TANC2: variants seen among roughly 807,000 people sequenced by gnomAD.
The protein encoded by TANC2 is protein TANC2.
TANC2 carries 26 observed loss-of-function variants against 210.5 expected under a neutral mutation model. The observed-to-expected ratio is 0.12, with a 90% CI of 0.09 to 0.17. The LOEUF is 0.17. TANC2 is among the 10% of genes least tolerant of loss of function. The pLI is 1.00. For synonymous variants in TANC2, 931 were observed against 967.1 expected (o/e 0.96, Z 0.69); for missense variants, 2,129 against 2,608.9 (o/e 0.82, Z 4.01).
At chr17:63,171,689 T>A (rs2040410303) in intron 5 of TANC2, among the ~76,000 whole-genome samples, 1 of 152,224 alleles carries the variant, frequency 6.6e-6, no homozygotes. Context: ...GAATGTTATC[T>A]GATGATTAAT....
chr17:63,411,734 C>T (rs2048709374), intron 22 of TANC2, 48 bp downstream of exon 22: 1 of 1,563,862 alleles, frequency 6.4e-7, no homozygotes, highest in African/African-American at 1.4e-5. Context: ...AGGGGCTATT[C>T]TCCATCCATA....
At chr17:63,386,003 T>A (rs1340569519) in intron 15 of TANC2, among the ~76,000 whole-genome samples, 1 of 152,240 alleles carries the variant, frequency 6.6e-6, no homozygotes, top group African/African-American at 2.4e-5. Context: ...TCCTTCCTCA[T>A]TTTATCAAGC....
chr17:63,009,513 AT>A, intron 1 of TANC2, 23 bp from the exon 2 acceptor site: 1 of 1,563,178 alleles, frequency 6.4e-7, no homozygotes, highest in Non-Finnish European at 8.8e-7. Context: ...TCTTAAACAC[AT>A]TTTCCTATAT....
At chr17:63,121,504 CA>C (rs1304742927) in intron 4 of TANC2, among the ~76,000 whole-genome samples, 10 of 152,150 alleles carry the variant, frequency 6.6e-5, no homozygotes, top group Non-Finnish European at 1.5e-4. Context: ...AAGGCAAAGG[CA>C]TTTGAATACT....
chr17:63,008,511 A>G (rs907665669), intron 1 of TANC2, among the ~76,000 whole-genome samples: 1 of 152,194 alleles, frequency 6.6e-6, no homozygotes, highest in African/African-American at 2.4e-5. Flanking sequence ...GAGTGAGGAT[A>G]TAAGAGCAGT....
chr17:63,064,596 T>C (rs1207682881), intron 2 of TANC2, among the ~76,000 whole-genome samples: 1 of 152,198 alleles, frequency 6.6e-6, no homozygotes, highest in Non-Finnish European at 1.5e-5. Flanking sequence ...TATTCAATGA[T>C]AAACTCCTTA....
chr17:63,287,405 T>G (rs2044257180), intron 9 of TANC2, among the ~76,000 whole-genome samples: 1 of 152,232 alleles, frequency 6.6e-6, no homozygotes, highest in Non-Finnish European at 1.5e-5. Flanking sequence ...TTGTTTCTCC[T>G]AAATATGAAT....
chr17:63,172,889 G>C (rs1300499164), intron 5 of TANC2, among the ~76,000 whole-genome samples: 2 of 152,138 alleles, frequency 1.3e-5, no homozygotes, highest in Non-Finnish European at 2.9e-5. Context: ...CACTACCTTG[G>C]GGGTTAGGAG....
chr17:63,073,833 G>A (rs2036481663), intron 2 of TANC2, 110 bp from the exon 3 acceptor site: 4 of 932,568 alleles, frequency 4.3e-6, no homozygotes, highest in Non-Finnish European at 6.3e-6. Flanking sequence ...CGGATTATAG[G>A]AAATACAAAT....
At chr17:63,300,135 G>A (rs1030861084) in intron 9 of TANC2, among the ~76,000 whole-genome samples, 7 of 152,082 alleles carry the variant, frequency 4.6e-5, no homozygotes, top group Non-Finnish European at 8.8e-5. Flanking sequence ...CTGTTCCATT[G>A]GTCTGTATGT....
chr17:63,215,759 T>C (rs184110790), intron 7 of TANC2, among the ~76,000 whole-genome samples: 1 of 152,202 alleles, frequency 6.6e-6, no homozygotes, highest in East Asian at 1.9e-4. Flanking sequence ...ATTATTATTT[T>C]TTTTTTCTGA....
At chr17:63,014,612 TG>T (rs1049836171) in intron 2 of TANC2, among the ~76,000 whole-genome samples, 1 of 152,190 alleles carries the variant, frequency 6.6e-6, no homozygotes, top group African/African-American at 2.4e-5. Context: ...TGTCTTTGCT[TG>T]GTTTGTTTAG....
At chr17:62,977,365 GT>G (rs2032065769) in intron 1 of TANC2, among the ~76,000 whole-genome samples, 1 of 152,082 alleles carries the variant, frequency 6.6e-6, no homozygotes, top group Admixed American at 6.6e-5. Flanking sequence ...GTTTGTGCTA[GT>G]TATAAACTAA....
chr17:62,967,840 A>G (rs1334452335), intron 1 of TANC2, among the ~76,000 whole-genome samples: 1 of 152,066 alleles, frequency 6.6e-6, no homozygotes, highest in African/African-American at 2.4e-5. Flanking sequence ...AATAAAAAAA[A>G]AAAAGAATAC....
At chr17:63,017,000 C>T (rs1404976379) in intron 2 of TANC2, among the ~76,000 whole-genome samples, 1 of 152,090 alleles carries the variant, frequency 6.6e-6, no homozygotes, top group Non-Finnish European at 1.5e-5. Context: ...TAGGGGTTGT[C>T]TTTTCACTCC....
intron 5 of TANC2, among the ~76,000 whole-genome samples, chr17:63,178,733 T>G (rs539222476): frequency 3.0e-4 from 45 of 152,302 alleles, no homozygotes; most frequent in African/African-American, 1.1e-3. Context: ...AATCAACAAA[T>G]CAGAAAATGT....
chr17:63,043,144 CAATT>C (rs2035252418), intron 2 of TANC2, among the ~76,000 whole-genome samples: 1 of 151,980 alleles, frequency 6.6e-6, no homozygotes, highest in African/African-American at 2.4e-5. Flanking sequence ...ATAGCTTCAG[CAATT>C]AATTAGTTAA....
At chr17:63,103,014 G>T (rs2052118) in intron 4 of TANC2, among the ~76,000 whole-genome samples, 13 of 151,880 alleles carry the variant, frequency 8.6e-5, no homozygotes, top group African/African-American at 2.9e-4. Flanking sequence ...TAGGTTATAT[G>T]CAAACACTGT....
At chr17:63,383,234 G>A (rs1372831272) in intron 15 of TANC2, among the ~76,000 whole-genome samples, 1 of 152,110 alleles carries the variant, frequency 6.6e-6, no homozygotes, top group African/African-American at 2.4e-5. Flanking sequence ...CATCCTTTAT[G>A]TTAGGGTCCA....
Sources: gnomAD v4.1 joint callset for allele counts (sites outside exome capture counted in the v4.1 genomes callset) on GRCh38, gnomAD v4.1.1 for gene constraint, MANE v1.5 for transcripts, NCBI Gene and HGNC (gene_info 2026-07-23, HGNC 2026-07-21) for gene names.